Variants in CTNNA2 observed in about 807,000 individuals in gnomAD.
The protein encoded by CTNNA2 is catenin alpha-2.
In CTNNA2, 42 loss-of-function variants were observed where a neutral mutation model predicts 101.0. That is an observed-to-expected ratio of 0.42 (90% CI 0.32 to 0.54). The LOEUF is 0.54. Among genes scored for constraint, CTNNA2 ranks in the 20% least tolerant of loss-of-function variants. The pLI, the probability that CTNNA2 is intolerant of heterozygous loss-of-function variation, is 0.14. For synonymous variants in CTNNA2, 450 were observed against 456.4 expected (o/e 0.99, Z 0.18); for missense variants, 871 against 1,223.1 (o/e 0.71, Z 4.29).
intron 4 of CTNNA2, among the ~76,000 whole-genome samples, chr2:79,471,612 G>T (rs1671000095): frequency 6.6e-6 from 1 of 152,148 alleles, no homozygotes; most frequent in Admixed American, 6.5e-5. Flanking sequence ...GCTGAGGCAG[G>T]TGGATCACGA....
chr2:79,589,349 T>G (rs1354445146), intron 1 of CTNNA2, among the ~76,000 whole-genome samples: 1 of 152,160 alleles, frequency 6.6e-6, no homozygotes, highest in Non-Finnish European at 1.5e-5. Flanking sequence ...ATCTTTTCTA[T>G]CGTAAAAGAA....
chr2:80,295,423 C>G (rs1675659317), intron 7 of CTNNA2, among the ~76,000 whole-genome samples: 1 of 152,190 alleles, frequency 6.6e-6, no homozygotes, highest in Non-Finnish European at 1.5e-5. Flanking sequence ...CCACCTACCT[C>G]TCTGAAGCCC....
At chr2:79,660,505 A>C (rs1681960797) in intron 2 of CTNNA2, among the ~76,000 whole-genome samples, 1 of 151,940 alleles carries the variant, frequency 6.6e-6, no homozygotes, top group Admixed American at 6.6e-5. Flanking sequence ...TGTTTTATAA[A>C]TATGGTTTTG....
At chr2:80,642,195 G>A (rs565991391) in intron 18 of CTNNA2, among the ~76,000 whole-genome samples, 36 of 152,142 alleles carry the variant, frequency 2.4e-4, no homozygotes, top group African/African-American at 8.4e-4. Context: ...GTCCTTCCTC[G>A]TCACTGTTAA....
intron 9 of CTNNA2, among the ~76,000 whole-genome samples, chr2:80,523,885 C>T (rs1440608047): frequency 2.0e-5 from 3 of 151,986 alleles, no homozygotes; most frequent in African/African-American, 7.3e-5. Flanking sequence ...ATTACGTTGC[C>T]ATACTTAGGG....
intron 6 of CTNNA2, among the ~76,000 whole-genome samples, chr2:79,898,092 A>G (rs1368943351): frequency 6.6e-6 from 1 of 151,996 alleles, no homozygotes; most frequent in Non-Finnish European, 1.5e-5. Context: ...CCCCTGTAAC[A>G]TTTTATACCT....
intron 7 of CTNNA2, among the ~76,000 whole-genome samples, chr2:80,136,166 C>T (rs1036670156): frequency 1.3e-5 from 2 of 152,086 alleles, no homozygotes; most frequent in African/African-American, 2.4e-5. Flanking sequence ...AGTGCCTGGA[C>T]GTTAATAAAT....
intron 7 of CTNNA2, among the ~76,000 whole-genome samples, chr2:80,087,004 G>A (rs548914854): frequency 4.7e-4 from 71 of 152,120 alleles, no homozygotes; most frequent in South Asian, 3.9e-3. Flanking sequence ...CTATTACAAA[G>A]CAGTCAGACC....
At chr2:80,454,187 A>T (rs891526865) in intron 9 of CTNNA2, among the ~76,000 whole-genome samples, 2 of 152,156 alleles carry the variant, frequency 1.3e-5, no homozygotes, top group African/African-American at 2.4e-5. Context: ...ATTACAATTG[A>T]TTGTATTGAG....
At chr2:79,744,123 A>G (rs1209077382) in intron 2 of CTNNA2, among the ~76,000 whole-genome samples, 2 of 152,124 alleles carry the variant, frequency 1.3e-5, no homozygotes, top group Non-Finnish European at 2.9e-5. Context: ...GCTTTGACCC[A>G]CTGGCAAGTA....
At chr2:79,616,572 C>G (rs1350741743) in intron 1 of CTNNA2, among the ~76,000 whole-genome samples, 2 of 151,986 alleles carry the variant, frequency 1.3e-5, no homozygotes, top group Non-Finnish European at 2.9e-5. Context: ...TTGTAAAAAC[C>G]ACAGCCACCC....
At position 79,497,477 on chromosome 2, in the gene CTNNA2, C is replaced by T. The variant is rs78737828; in HGVS notation, c.-134-7577C>T. On this transcript the variant is annotated intron_variant, in intron 4 of 21. Transcript: ENST00000466387. Reference sequence around the variant, plus strand: ...CCTGTCATCTAAAGCCACCAAATACCTATTATTTCTCTATCCCTTCCAGTT... The same window carrying T: ...CCTGTCATCTAAAGCCACCAAATACTTATTATTTCTCTATCCCTTCCAGTT... 1.4e-3 allele frequency among the ~76,000 whole-genome samples: 212 copies of T among 152,250 alleles called. 1 individual carries two copies. The highest frequency in any genetic ancestry group is 4.9e-3 in the African/African-American group (203 of 41,538).
chr2:79,588,708 A>G (rs1676654690), intron 1 of CTNNA2, among the ~76,000 whole-genome samples: 2 of 152,218 alleles, frequency 1.3e-5, no homozygotes, highest in Non-Finnish European at 2.9e-5. Flanking sequence ...GGGAAGCACC[A>G]TCCATTCAAA....
intron 1 of CTNNA2, among the ~76,000 whole-genome samples, chr2:79,645,177 G>T (rs573920295): frequency 1.3e-5 from 2 of 151,682 alleles, no homozygotes; most frequent in Non-Finnish European, 2.9e-5. Flanking sequence ...GTAGAGATGG[G>T]GTTTCATCAT....
At chr2:80,507,928 G>A (rs1688401563) in intron 9 of CTNNA2, among the ~76,000 whole-genome samples, 2 of 151,910 alleles carry the variant, frequency 1.3e-5, no homozygotes, top group African/African-American at 2.4e-5. Flanking sequence ...GTGTAGGGAC[G>A]TTAAGCACTG....
intron 13 of CTNNA2, among the ~76,000 whole-genome samples, chr2:80,580,470 A>G (rs1347012652): frequency 1.3e-5 from 2 of 152,186 alleles, no homozygotes; most frequent in Non-Finnish European, 1.5e-5. Context: ...GTTTGGAGTC[A>G]GACACACCTG....
intron 2 of CTNNA2, among the ~76,000 whole-genome samples, chr2:79,661,589 A>T (rs1682040691): frequency 6.6e-6 from 1 of 152,212 alleles, no homozygotes; most frequent in Non-Finnish European, 1.5e-5. Context: ...GTTGGGGCTC[A>T]CCCATAGGGG....
chr2:79,783,480 G>T (rs1674609023), intron 3 of CTNNA2, among the ~76,000 whole-genome samples: 1 of 152,076 alleles, frequency 6.6e-6, no homozygotes, highest in Non-Finnish European at 1.5e-5. Context: ...AACTTCTCTG[G>T]ACTTCTTTTA....
chr2:80,100,829 A>G, intron 7 of CTNNA2, among the ~76,000 whole-genome samples: 1 of 152,222 alleles, frequency 6.6e-6, no homozygotes, highest in Non-Finnish European at 1.5e-5. Context: ...CTGAGCATAC[A>G]TCTTCCACCT....
Sources: allele counts gnomAD v4.1 joint callset (sites outside exome capture counted in the v4.1 genomes callset), GRCh38; gene constraint gnomAD v4.1.1; transcripts MANE v1.5; gene names NCBI Gene and HGNC (gene_info 2026-07-23, HGNC 2026-07-21).